WDR64: variants seen among roughly 807,000 people sequenced by gnomAD.
WDR64 encodes WD repeat-containing protein 64.
Under a neutral mutation model 139.3 loss-of-function variants are expected in WDR64, and 112 were observed. The ratio of observed to expected loss-of-function variants is 0.80; its 90% CI spans 0.69 to 0.94. The LOEUF is 0.94. Among genes scored for constraint, WDR64 ranks in the 40% least tolerant of loss-of-function variants. WDR64 has a pLI of 0.00. For synonymous variants in WDR64, 444 were observed against 437.7 expected (o/e 1.01, Z -0.18); for missense variants, 1,206 against 1,293.1 (o/e 0.93, Z 1.03).
At chr1:241,687,691 T>TA in intron 8 of WDR64, 96 bp downstream of exon 8, 3 of 1,294,788 alleles carry the variant, frequency 2.3e-6, no homozygotes, top group South Asian at 1.5e-5. Flanking sequence ...AAACTGGCTT[T>TA]AAAAAAATCG....
intron 11 of WDR64, among the ~76,000 whole-genome samples, chr1:241,739,727 T>A (rs1669461125): frequency 6.6e-6 from 1 of 152,212 alleles, no homozygotes; most frequent in Admixed American, 6.5e-5. Flanking sequence ...CAAGATTTCT[T>A]CCCAATTTTG....
At chr1:241,795,056 A>G in intron 25 of WDR64, 151 bp from the exon 26 acceptor site, 1 of 624,150 alleles carries the variant, frequency 1.6e-6, no homozygotes, top group South Asian at 2.0e-5. Context: ...CTTGCTATAC[A>G]TATTATTTAT....
chr1:241,700,110 T>G (rs927252274), intron 8 of WDR64, among the ~76,000 whole-genome samples: 7 of 149,502 alleles, frequency 4.7e-5, no homozygotes, highest in African/African-American at 1.7e-4. Context: ...CTTGCACAAC[T>G]TACAAGAATT....
At position 241,656,770 on chromosome 1, in the gene WDR64, A is replaced by C. The variant is rs1310376336; in HGVS notation, c.146-3760A>C. The stretch of plus-strand genomic sequence containing the variant: ...GGGTGGGGGCTGTCTTGTGCATTGT[A>C]GGATGTTAAGCAGCGTCCTTGGCCT... On this transcript the variant is annotated intron_variant, in intron 1 of 27. Transcript: ENST00000437684. The surrounding 1 kb of genome is among the most constrained non-coding windows in gnomAD (Gnocchi z 4.3). Among the ~76,000 whole-genome samples the C allele has an allele frequency of 2.6e-5, 4 of 152,018 alleles. No individual in the cohort carries two copies. In the East Asian group the frequency reaches 7.7e-4, roughly 29 times the overall value.
At chr1:241,705,559 A>AAATAAATAATAATAAT (rs376010669) in intron 8 of WDR64, among the ~76,000 whole-genome samples, 69 of 136,658 alleles carry the variant, frequency 5.0e-4, no homozygotes, top group Middle Eastern at 3.7e-3. Flanking sequence ...ATAAATAAAT[A>AAATAAATAATAATAAT]AATAATAATA....
At chr1:241,706,665 T>C (rs1475664392) in intron 8 of WDR64, among the ~76,000 whole-genome samples, 1 of 152,204 alleles carries the variant, frequency 6.6e-6, no homozygotes, top group Non-Finnish European at 1.5e-5. Flanking sequence ...GTTTTAAATA[T>C]TTTAGAAGTA....
At chr1:241,726,045 T>TC (rs1668823099) in intron 10 of WDR64, among the ~76,000 whole-genome samples, 1 of 117,408 alleles carries the variant, frequency 8.5e-6, no homozygotes, top group African/African-American at 2.9e-5. Context: ...GAGAGCTCTC[T>TC]TTTTTTTTTT....
In WDR64 at chr1:241,660,646, G is replaced by T. The variant is rs1475084226; in HGVS notation, c.262G>T (p.Ala88Ser). ...ACTGTGCAACAACACGGATGCATCT[G>T]CAGACTGGTGTGAGGTAGACTCATT... is the stretch of plus-strand genomic sequence containing the variant. The part of the protein sequence containing the change: ...RKLCNNTDAS[A>S]DWCEIFGYFS... The change falls in exon 2 of 28, where the codon GCA becomes TCA. Residue 88 changes from alanine (A) to serine (S), a missense_variant. Transcript: ENST00000437684. 1 of 1,551,288 alleles carries T rather than the reference G, an allele frequency of 6.4e-7. No individual in the cohort carries two copies. The highest frequency in any genetic ancestry group is 1.4e-5 in the African/African-American group (1 of 73,022).
At chr1:241,788,152 T>C in intron 24 of WDR64, 118 bp downstream of exon 24, 1 of 838,198 alleles carries the variant, frequency 1.2e-6, no homozygotes. Flanking sequence ...TCAATAATTT[T>C]GTAATCCAGT....
chr1:241,749,394 C>A (rs1167490006), intron 13 of WDR64, among the ~76,000 whole-genome samples, 153 bp from the exon 14 acceptor site: 1 of 152,126 alleles, frequency 6.6e-6, no homozygotes, highest in Non-Finnish European at 1.5e-5. Context: ...TCATGCACAG[C>A]AAGCCTGGGA....
intron 8 of WDR64, among the ~76,000 whole-genome samples, chr1:241,697,552 C>G (rs947857404): frequency 1.3e-5 from 2 of 152,140 alleles, no homozygotes; most frequent in Non-Finnish European, 2.9e-5. Flanking sequence ...AACAGGCTAG[C>G]TGGAACTACA....
At chr1:241,723,474 T>C in intron 10 of WDR64, 38 bp downstream of exon 10, 1 of 1,602,334 alleles carries the variant, frequency 6.2e-7, no homozygotes, top group Non-Finnish European at 8.5e-7. Context: ...ACTAGTTTTT[T>C]CCGGAAAATT....
In WDR64 at chr1:241,652,629, G is replaced by C. The variant is rs1558454303; in HGVS notation, c.145G>C (p.Asp49His). ...AGCAGGCTTATTTATCCATAAAGAA[G>C]GTAAGATCAGTGATTACACGATAGT... ...ERAGLFIHKE[D>H]AIGYDKFYAS... The change falls in exon 1 of 28, where the codon GAT becomes CAT. Residue 49 changes from aspartate to histidine, a missense_variant and splice_region_variant. Asp to His is a moderately conservative substitution (Grantham distance 81, BLOSUM62 -1). Transcript: ENST00000437684. The C allele has an allele frequency of 6.4e-7, 1 of 1,551,524 alleles. No individual in the cohort carries two copies. Among genetic ancestry groups the C allele is most frequent in the South Asian group, 1.2e-5 (1 of 84,014 alleles).
At chr1:241,681,945 C>T (rs1266477722) in intron 6 of WDR64, among the ~76,000 whole-genome samples, 1 of 152,158 alleles carries the variant, frequency 6.6e-6, no homozygotes, top group Non-Finnish European at 1.5e-5. Flanking sequence ...ACTGTCTACT[C>T]ATGTCCTTAG....
At chr1:241,685,263 C>A (rs1027818056) in intron 7 of WDR64, among the ~76,000 whole-genome samples, 2 of 151,310 alleles carry the variant, frequency 1.3e-5, no homozygotes, top group Admixed American at 6.6e-5. Flanking sequence ...CATAGTATAA[C>A]CATATGTCAT....
rs763142210 is a variant in WDR64, at chr1:241,687,601, T to C, written c.974+6T>C. On this transcript the variant is annotated splice_donor_region_variant and intron_variant, in intron 8 of 27. Coordinates refer to ENST00000437684, the MANE Select transcript of WDR64 (RefSeq NM_001367482.1). ...AAGAGACTCGAGGATAATTTGTAAG[T>C]ATAGTAATTTATATACATGAACAGT... The C allele has an allele frequency of 1.9e-6, 3 of 1,608,626 alleles. No homozygotes were observed. The East Asian group carries it at 6.7e-5, about 36-fold the overall frequency.
intron 9 of WDR64, among the ~76,000 whole-genome samples, chr1:241,712,317 T>A (rs1056557246): frequency 6.6e-6 from 1 of 152,050 alleles, no homozygotes; most frequent in Non-Finnish European, 1.5e-5. Flanking sequence ...AGCCAATGGT[T>A]TAGAGTTAAC....
At chr1:241,787,746 C>A (rs998071039) in intron 23 of WDR64, 103 bp from the exon 24 acceptor site, 1 of 982,560 alleles carries the variant, frequency 1.0e-6, no homozygotes, top group South Asian at 2.2e-5. Context: ...GTAAAAAAAT[C>A]CTTGATGGAC....
chr1:241,676,883 A>C (rs1005317987), intron 4 of WDR64, among the ~76,000 whole-genome samples: 1 of 151,938 alleles, frequency 6.6e-6, no homozygotes, highest in Non-Finnish European at 1.5e-5. Context: ...TGCCCAGCCC[A>C]AAATTAATTA....
Sources: allele counts gnomAD v4.1 joint callset (sites outside exome capture counted in the v4.1 genomes callset), GRCh38; gene constraint gnomAD v4.1.1; non-coding constraint Gnocchi (gnomAD v3.1); transcripts MANE v1.5; gene names NCBI Gene and HGNC (gene_info 2026-07-23, HGNC 2026-07-21).